Variants in CDH13 observed in about 807,000 individuals in gnomAD.
CDH13 encodes the protein cadherin-13.
Under a neutral mutation model 63.8 loss-of-function variants are expected in CDH13, and 24 were observed. The observed-to-expected ratio is 0.38, with a 90% CI of 0.27 to 0.53. The LOEUF (loss-of-function observed/expected upper bound fraction) is 0.53. CDH13 is among the 20% of genes least tolerant of loss of function. The pLI is 0.85. For synonymous variants in CDH13, 503 were observed against 355.3 expected, an observed-to-expected ratio of 1.42 and a Z score of -4.67; for missense variants, 1,049 against 903.1, an observed-to-expected ratio of 1.16 and a Z score of -2.07.
chr16:83,001,325 C>G (rs1912907003), intron 2 of CDH13, among the ~76,000 whole-genome samples: 1 of 152,214 alleles, frequency 6.6e-6, no homozygotes, highest in Non-Finnish European at 1.5e-5. Context: ...AGTAGTGTTG[C>G]ATTGGTGTGA....
intron 1 of CDH13, among the ~76,000 whole-genome samples, chr16:82,685,095 T>C (rs1034283181): frequency 6.6e-6 from 1 of 152,238 alleles, no homozygotes; most frequent in Admixed American, 6.5e-5. Context: ...AGGCAAGGCC[T>C]TTCTGGGAGA....
At chr16:82,795,278 A>T (rs1203113755) in intron 1 of CDH13, among the ~76,000 whole-genome samples, 2 of 152,346 alleles carry the variant, frequency 1.3e-5, no homozygotes, top group African/African-American at 2.4e-5. Flanking sequence ...CTGGAAATCA[A>T]GGGTGCTGAG....
At chr16:83,300,845 A>G (rs199626013) in intron 5 of CDH13, among the ~76,000 whole-genome samples, 1 of 152,144 alleles carries the variant, frequency 6.6e-6, no homozygotes, top group Non-Finnish European at 1.5e-5. Flanking sequence ...TGTTTTTAGA[A>G]CATCCTGGGA....
chr16:82,861,528 G>T (rs2039945438), intron 2 of CDH13, among the ~76,000 whole-genome samples: 1 of 152,158 alleles, frequency 6.6e-6, no homozygotes, highest in Non-Finnish European at 1.5e-5. Flanking sequence ...ATGGCTTCCT[G>T]CTATCTTTGT....
chr16:83,383,735 T>A (rs10781969), intron 6 of CDH13, among the ~76,000 whole-genome samples: 2 of 152,128 alleles, frequency 1.3e-5, no homozygotes, highest in Non-Finnish European at 2.9e-5. Flanking sequence ...TTATTTTTAC[T>A]GCTTACTTTC....
intron 4 of CDH13, among the ~76,000 whole-genome samples, chr16:83,156,817 T>G (rs2037226081): frequency 6.6e-6 from 1 of 152,140 alleles, no homozygotes; most frequent in Non-Finnish European, 1.5e-5. Context: ...CATAATATAT[T>G]TATACTAATT....
chr16:82,636,444 T>C (rs949608121), intron 1 of CDH13, among the ~76,000 whole-genome samples: 2 of 152,200 alleles, frequency 1.3e-5, no homozygotes, highest in African/African-American at 4.8e-5. Flanking sequence ...ACGTGCAGCC[T>C]GTACAATTAA....
intron 4 of CDH13, among the ~76,000 whole-genome samples, chr16:83,209,314 T>C (rs920153334): frequency 2.6e-5 from 4 of 152,170 alleles, no homozygotes; most frequent in East Asian, 3.9e-4. Context: ...GGTTCAGATG[T>C]TCCTCATAGA....
chr16:82,926,453 T>C (rs2042306687), intron 2 of CDH13, among the ~76,000 whole-genome samples: 1 of 152,210 alleles, frequency 6.6e-6, no homozygotes, highest in African/African-American at 2.4e-5. Flanking sequence ...CCCTGAACAA[T>C]TCTCAGCCTG....
At chr16:83,087,778 T>C (rs1489477931) in intron 3 of CDH13, among the ~76,000 whole-genome samples, 2 of 152,074 alleles carry the variant, frequency 1.3e-5, no homozygotes, top group Non-Finnish European at 2.9e-5. Flanking sequence ...CCTAATGATG[T>C]TTATTTTCAA....
chr16:83,239,926 G>A (rs558887334), intron 5 of CDH13, among the ~76,000 whole-genome samples: 2 of 152,252 alleles, frequency 1.3e-5, no homozygotes, highest in East Asian at 1.9e-4. Context: ...GATCAGAGAT[G>A]GCCTTTCTGA....
At chr16:83,736,119 C>A (rs1217515556) in intron 10 of CDH13, among the ~76,000 whole-genome samples, 1 of 152,136 alleles carries the variant, frequency 6.6e-6, no homozygotes, top group Non-Finnish European at 1.5e-5. Context: ...GCAAATTTAA[C>A]CTTAGACCTA....
At chr16:82,701,204 C>T (rs933878514) in intron 1 of CDH13, among the ~76,000 whole-genome samples, 1 of 152,052 alleles carries the variant, frequency 6.6e-6, no homozygotes, top group South Asian at 2.1e-4. Context: ...CCTGTTGATG[C>T]TACCTCTGAA....
chr16:83,034,074 A>T (rs1597188266), intron 3 of CDH13, among the ~76,000 whole-genome samples: 1 of 152,234 alleles, frequency 6.6e-6, no homozygotes. Context: ...TGTCTGTGTG[A>T]TCTTGAGAGC....
At chr16:82,720,560 C>T (rs1440018749) in intron 1 of CDH13, among the ~76,000 whole-genome samples, 1 of 152,064 alleles carries the variant, frequency 6.6e-6, no homozygotes, top group Non-Finnish European at 1.5e-5. Context: ...TGACAGTTCA[C>T]TTCACATGCA....
At chr16:82,812,367 C>T (rs993465555) in intron 1 of CDH13, among the ~76,000 whole-genome samples, 3 of 152,014 alleles carry the variant, frequency 2.0e-5, no homozygotes, top group East Asian at 1.9e-4. Context: ...AAAAAATGAG[C>T]GAGAAGAGTG....
At chr16:83,268,296 G>A (rs1349346844) in intron 5 of CDH13, among the ~76,000 whole-genome samples, 10 of 152,192 alleles carry the variant, frequency 6.6e-5, no homozygotes, top group African/African-American at 2.2e-4. Flanking sequence ...ATGAACAGAA[G>A]ATCAACTGGA....
At chr16:83,388,050 C>T (rs956982873) in intron 6 of CDH13, among the ~76,000 whole-genome samples, 1 of 152,090 alleles carries the variant, frequency 6.6e-6, no homozygotes. Flanking sequence ...CTAGACATGA[C>T]ACCTACTCTG....
intron 4 of CDH13, among the ~76,000 whole-genome samples, chr16:83,179,524 C>T (rs2038262869): frequency 7.1e-6 from 1 of 141,596 alleles, no homozygotes; most frequent in African/African-American, 2.6e-5. Flanking sequence ...TGGTGGCGGG[C>T]ACCTGTAGTC....
Sources: gnomAD v4.1 joint callset for allele counts (sites outside exome capture counted in the v4.1 genomes callset) on GRCh38, gnomAD v4.1.1 for gene constraint, MANE v1.5 for transcripts, NCBI Gene and HGNC (gene_info 2026-07-23, HGNC 2026-07-21) for gene names.